CFAP92: variants seen among roughly 807,000 people sequenced by gnomAD.
CFAP92 encodes cilia and flagella associated protein 92 (putative), also known as uncharacterized protein CFAP92.
A neutral mutation model predicts 106.3 loss-of-function variants in CFAP92; 86 were observed. The ratio of observed to expected loss-of-function variants is 0.81; its 90% CI spans 0.68 to 0.97. The LOEUF (loss-of-function observed/expected upper bound fraction) is 0.97, where lower values mean the gene tolerates loss of function less well. CFAP92 is among the 50% of genes least tolerant of loss of function. The pLI is 0.00. For synonymous variants in CFAP92, 477 were observed against 506.4 expected, an observed-to-expected ratio of 0.94 and a Z score of 0.78; for missense variants, 1,204 against 1,283.8, an observed-to-expected ratio of 0.94 and a Z score of 0.95.
intron 9 of CFAP92, among the ~76,000 whole-genome samples, chr3:128,947,606 C>T (rs1180470182): frequency 6.6e-6 from 1 of 152,180 alleles, no homozygotes; most frequent in Non-Finnish European, 1.5e-5. Context: ...TATGGCTAAT[C>T]TATGTTTATC....
chr3:128,994,499 T>TAA (rs1944406110), upstream of CFAP92, among the ~76,000 whole-genome samples: 1 of 150,168 alleles, frequency 6.7e-6, no homozygotes, highest in South Asian at 2.1e-4. Flanking sequence ...CCGATGTCCT[T>TAA]AAAAACCAGA....
chr3:128,956,266 C>T (rs1366195888), intron 9 of CFAP92, among the ~76,000 whole-genome samples: 1 of 116,746 alleles, frequency 8.6e-6, no homozygotes, highest in East Asian at 2.6e-4. Context: ...CCAATCTGAA[C>T]AACACAGGGG....
At chr3:128,938,659 A>C (rs1220405395) in intron 10 of CFAP92, among the ~76,000 whole-genome samples, 3 of 151,778 alleles carry the variant, frequency 2.0e-5, no homozygotes, top group African/African-American at 2.4e-5. Context: ...ACGCCCGGCT[A>C]ATTTTTGTAT....
chr3:129,024,959 C>G, the CFAP92 span, among the ~76,000 whole-genome samples: 1 of 152,124 alleles, frequency 6.6e-6, no homozygotes, highest in African/African-American at 2.4e-5. Context: ...CCAAACCCAG[C>G]GGCCACTCTT....
intron 9 of CFAP92, among the ~76,000 whole-genome samples, chr3:128,964,145 G>C (rs1942179334): frequency 6.6e-6 from 1 of 152,106 alleles, no homozygotes; most frequent in South Asian, 2.1e-4. Flanking sequence ...CTCTTAGTAG[G>C]TTTCAGTGAA....
At chr3:128,962,707 G>A (rs949902094) in intron 9 of CFAP92, among the ~76,000 whole-genome samples, 2 of 152,042 alleles carry the variant, frequency 1.3e-5, no homozygotes, top group African/African-American at 4.8e-5. Flanking sequence ...CCCACAGCAC[G>A]ATTTAAAAGG....
At position 128,945,386 on chromosome 3, in the gene CFAP92, G is replaced by A. The variant is rs751786716; in HGVS notation, c.1943C>T (p.Ala648Val). 3.3e-6 allele frequency: 5 copies of A among 1,536,152 alleles called. No individual in the cohort carries two copies. The South Asian group carries it at 4.8e-5, about 15-fold the overall frequency. Residue 648 changes from alanine (A) to valine (V), a missense_variant, in exon 10 of 16, where the codon GCT (alanine) becomes GTT (valine). By Grantham distance (64) the Ala-to-Val change is moderately conservative. Transcript: ENST00000645291. ...IAVPLRAGAR[A>V]ADPDLGGSQF... Reference sequence around the variant, plus strand: ...GGAGCCCCCAAGGTCAGGATCAGCAGCTCTGGCCCCGGCCCTCAGTGGCAC... The same window carrying A: ...GGAGCCCCCAAGGTCAGGATCAGCAACTCTGGCCCCGGCCCTCAGTGGCAC...
rs1461992940 is a variant in CFAP92 at position 128,915,163 on chromosome 3, G to A, written c.3236C>T (p.Pro1079Leu). 1.3e-6 allele frequency: 2 copies of A among 1,536,038 alleles called. No individual in the cohort carries two copies. Among genetic ancestry groups the A allele is most frequent in the Non-Finnish European group, 1.7e-6 (2 of 1,146,936 alleles). Residue 1079 changes from proline (P) to leucine (L), a missense_variant, in exon 15 of 16, where the codon CCT becomes CTT. By Grantham distance (98) the Pro-to-Leu change is moderately conservative. Coordinates refer to ENST00000645291, the MANE Select transcript of CFAP92 (RefSeq NM_001394090.1). Reference sequence around the variant, plus strand: ...GGGCGAAGGGAGCAGCTCGAGGAAAGGTGGTGGTTTCTTGTACAGATCAAA... The same window carrying A: ...GGGCGAAGGGAGCAGCTCGAGGAAAAGTGGTGGTTTCTTGTACAGATCAAA... The part of the protein sequence containing the change: ...VDFDLYKKPP[P>L]FLELLPSPAP...
chr3:128,987,858 A>G (rs763863524), intron 3 of CFAP92, 29 bp from the exon 4 acceptor site: 1 of 1,563,232 alleles, frequency 6.4e-7, no homozygotes, highest in Admixed American at 1.9e-5. Context: ...AGAGATGTCA[A>G]CTGGGGAAAG....
the CFAP92 span, among the ~76,000 whole-genome samples, chr3:129,018,378 A>C: frequency 6.6e-6 from 1 of 152,266 alleles, no homozygotes; most frequent in Non-Finnish European, 1.5e-5. Context: ...CTAGGAAAAA[A>C]CTAAAAAAGG....
intron 1 of CFAP92, among the ~76,000 whole-genome samples, chr3:128,999,898 C>G (rs1944644550): frequency 6.6e-6 from 1 of 152,188 alleles, no homozygotes; most frequent in Non-Finnish European, 1.5e-5. Flanking sequence ...GCAGTGTCTC[C>G]CATCTGCAGA....
intron 12 of CFAP92, among the ~76,000 whole-genome samples, chr3:128,922,253 G>C (rs1032262025): frequency 6.6e-6 from 1 of 151,912 alleles, no homozygotes; most frequent in African/African-American, 2.4e-5. Context: ...TGAGGCAGGA[G>C]AATGGAGTGA....
chr3:128,927,492 G>A (rs1050641128), intron 12 of CFAP92, among the ~76,000 whole-genome samples: 5 of 151,386 alleles, frequency 3.3e-5, no homozygotes, highest in African/African-American at 4.9e-5. Flanking sequence ...AGGCCGAGGC[G>A]GGTGGATCAA....
chr3:129,007,813 A>T, the CFAP92 span, among the ~76,000 whole-genome samples: 1 of 152,140 alleles, frequency 6.6e-6, no homozygotes, highest in African/African-American at 2.4e-5. Context: ...TCTTTTTCAG[A>T]CCTGTACTTT....
At chr3:128,944,330 T>G (rs560460823) in intron 10 of CFAP92, among the ~76,000 whole-genome samples, 4 of 152,150 alleles carry the variant, frequency 2.6e-5, no homozygotes, top group African/African-American at 9.7e-5. Flanking sequence ...GGGCTTATAA[T>G]AGATACAAGG....
intron 15 of CFAP92, chr3:128,912,452 TTTGTC>T (rs1936439992): frequency 2.0e-6 from 3 of 1,530,326 alleles, no homozygotes; most frequent in African/African-American, 2.7e-5. Flanking sequence ...TTCAGCCATG[TTTGTC>T]TTATCACGGT....
At chr3:128,929,795 C>T (rs1026953011) in intron 12 of CFAP92, among the ~76,000 whole-genome samples, 4 of 152,152 alleles carry the variant, frequency 2.6e-5, no homozygotes, top group Non-Finnish European at 5.9e-5. Context: ...TGTAAACTAG[C>T]ATGAGAATAC....
At chr3:129,020,123 G>T in the CFAP92 span, among the ~76,000 whole-genome samples, 3 of 152,228 alleles carry the variant, frequency 2.0e-5, no homozygotes, top group South Asian at 2.1e-4. Flanking sequence ...GACGATGCAG[G>T]CCAGATTAAA....
At chr3:128,952,396 T>A (rs570825281) in intron 9 of CFAP92, among the ~76,000 whole-genome samples, 1 of 152,206 alleles carries the variant, frequency 6.6e-6, no homozygotes, top group Non-Finnish European at 1.5e-5. Flanking sequence ...AACGTAAGAT[T>A]CAAATAAGAT....
Sources: allele counts gnomAD v4.1 joint callset (sites outside exome capture counted in the v4.1 genomes callset), GRCh38; gene constraint gnomAD v4.1.1; transcripts MANE v1.5; gene names NCBI Gene and HGNC (gene_info 2026-07-23, HGNC 2026-07-21).